The following TRIM40 variants were observed in gnomAD, a reference collection of about 807,000 sequenced individuals.
TRIM40 encodes the protein tripartite motif containing 40.
Under a neutral mutation model 26.1 loss-of-function variants are expected in TRIM40, and 27 were observed. The observed-to-expected ratio is 1.04, with a 90% CI of 0.76 to 1.43. The LOEUF (loss-of-function observed/expected upper bound fraction) is 1.43. TRIM40 is among the 40% of genes most tolerant of loss of function. The pLI, the probability that TRIM40 is intolerant of heterozygous loss-of-function variation, is 0.00. For synonymous variants in TRIM40, 114 were observed against 120.0 expected, an observed-to-expected ratio of 0.95 and a Z score of 0.33; for missense variants, 289 against 307.9, an observed-to-expected ratio of 0.94 and a Z score of 0.46.
intron 2 of TRIM40, among the ~76,000 whole-genome samples, chr6:30,141,061 C>T (rs544390026): frequency 2.0e-5 from 3 of 152,172 alleles, no homozygotes; most frequent in East Asian, 1.9e-4. Flanking sequence ...GTGGGAGGAT[C>T]GCTTGAGCCC....
chr6:30,140,125 G>T (rs1216293069), intron 2 of TRIM40, among the ~76,000 whole-genome samples: 1 of 152,218 alleles, frequency 6.6e-6, no homozygotes, highest in East Asian at 1.9e-4. Context: ...GTTGGTGGGA[G>T]TGTAAATTAG....
rs947938290 is a variant in TRIM40 at position 30,136,776 on chromosome 6, G to A, written c.-261G>A. ...CAAGTTTAACAAACACAAGGAAACC[G>A]CAGGGTCCATGTCAAAGCTGATGAG... On this transcript the variant is annotated 5_prime_UTR_variant, in exon 2 of 6. Coordinates refer to ENST00000396581, the MANE Select transcript of TRIM40 (RefSeq NM_001286633.2). The A allele has an allele frequency of 5.4e-5, 27 of 498,132 alleles. No individual in the cohort carries two copies. In the South Asian group the frequency reaches 7.9e-4, roughly 15 times the overall value. 30.9% of individuals were successfully genotyped at this position (498,132 alleles called of 1,614,324 possible).
In TRIM40 at chr6:30,147,874, C is replaced by T; in HGVS notation, c.*62C>T. The T allele has an allele frequency of 1.4e-6, 2 of 1,452,426 alleles. No individual in the cohort carries two copies. The highest frequency in any genetic ancestry group is 1.9e-6 in the Non-Finnish European group (2 of 1,033,674). The allele number at this position is 1,452,426 out of a possible 1,614,324, so 90.0% of individuals were successfully genotyped here. On this transcript the variant is annotated 3_prime_UTR_variant, in exon 6 of 6. Transcript: ENST00000396581. ...CTCAGCCTCCTCTCTCTCCTTCCTC[C>T]AACCTGTCCAGGCCCCCACTGGGTC...
intron 2 of TRIM40, among the ~76,000 whole-genome samples, chr6:30,143,596 T>C (rs1460496221): frequency 6.6e-6 from 1 of 152,146 alleles, no homozygotes; most frequent in East Asian, 1.9e-4. Flanking sequence ...AATTTTAAAA[T>C]ATTCATTTAG....
At position 30,137,211 on chromosome 6, in the gene TRIM40, C is replaced by A; in HGVS notation, c.175C>A (p.Pro59Thr). 6.2e-7 allele frequency: 1 copy of A among 1,613,062 alleles called. No homozygotes were observed. The highest frequency in any genetic ancestry group is 8.5e-7 in the Non-Finnish European group (1 of 1,180,032). Residue 59 changes from proline to threonine, a missense_variant, in exon 2 of 6, where the codon CCC (proline) becomes ACC (threonine). Physicochemically the swap from Pro to Thr is conservative, Grantham distance 38 (BLOSUM62 -1). Transcript: ENST00000396581. ...CTTCTGCTGCCCCCTCTGCCGGAAG[C>A]CCTGTTCTGAGGAGGTGCTAGGGAC... ...GVFCCPLCRK[P>T]CSEEVLGTGY...
In TRIM40 at chr6:30,141,034, C is replaced by A. The variant is rs1181197835; in HGVS notation, c.345+3653C>A. ...CGGTGGCTCACACCTGTAGTCCCAG[C>A]ACTTTGGGAGGCCAAAGTGGGAGGA... is the stretch of plus-strand genomic sequence containing the variant. On this transcript the variant is annotated intron_variant, in intron 2 of 5. Transcript: ENST00000396581. Among the ~76,000 whole-genome samples, 6 of 152,266 alleles carry A rather than the reference C, an allele frequency of 3.9e-5. No homozygotes were observed. The South Asian group carries it at 1.0e-3, about 26-fold the overall frequency.
intron 2 of TRIM40, among the ~76,000 whole-genome samples, chr6:30,140,656 C>T (rs1437994210): frequency 4.6e-5 from 7 of 152,020 alleles, no homozygotes; most frequent in Admixed American, 6.6e-5. Flanking sequence ...CACCATGGCA[C>T]GTGTATACCT....
At chr6:30,139,469 A>T (rs1291661068) in intron 2 of TRIM40, among the ~76,000 whole-genome samples, 1 of 150,418 alleles carries the variant, frequency 6.6e-6, no homozygotes. Context: ...CAGCCTCCCG[A>T]GTAGCTGGGA....
In TRIM40 at chr6:30,148,009, C is replaced by G; in HGVS notation, c.*197C>G. 1.7e-6 allele frequency: 1 copy of G among 603,172 alleles called. No homozygotes were observed. The highest frequency in any genetic ancestry group is 2.9e-6 in the Non-Finnish European group (1 of 339,782). 37.4% of individuals were successfully genotyped at this position (603,172 alleles called of 1,614,324 possible). ...CTGACTCTTGGACGATAGCCAGCCT[C>G]CTTCCAGGACAGGCTCATGCTTGGG... On this transcript the variant is annotated 3_prime_UTR_variant, in exon 6 of 6. Transcript: ENST00000396581.
intron 4 of TRIM40, 36 bp from the exon 5 acceptor site, chr6:30,147,484 G>A (rs1197305875): frequency 2.5e-6 from 4 of 1,613,680 alleles, no homozygotes; most frequent in Non-Finnish European, 3.4e-6. Context: ...AGGAACCTGA[G>A]AACCAATTAT....
chr6:30,139,330 C>CT (rs71550185), intron 2 of TRIM40, among the ~76,000 whole-genome samples: 3,049 of 99,054 alleles, frequency 0.031, 51 homozygotes, highest in Middle Eastern at 0.078. Flanking sequence ...AGAACTGTAA[C>CT]TTTTTTTTCT....
At position 30,137,043 on chromosome 6, in the gene TRIM40, C is replaced by T; in HGVS notation, c.7C>T (p.Pro3Ser). ...ACAGGGTAGGAACGAGGCCATGATC[C>T]CTTTGCAGAAGGACAACCAGGAGGA... MI[P>S]LQKDNQEEGV... The change falls in exon 2 of 6, where the codon CCT (proline) becomes TCT (serine). Residue 3 changes from proline (P) to serine (S), a missense_variant. Transcript: ENST00000396581. 6.2e-7 allele frequency: 1 copy of T among 1,612,500 alleles called. No homozygotes were observed. Among genetic ancestry groups the T allele is most frequent in the South Asian group, 1.1e-5 (1 of 91,028 alleles).
In TRIM40 at chr6:30,137,041, T is replaced by G; in HGVS notation, c.5T>G (p.Ile2Ser). 6.2e-7 allele frequency: 1 copy of G among 1,612,458 alleles called. No homozygotes were observed. Among genetic ancestry groups the G allele is most frequent in the Non-Finnish European group, 8.5e-7 (1 of 1,179,708 alleles). ...TGACAGGGTAGGAACGAGGCCATGA[T>G]CCCTTTGCAGAAGGACAACCAGGAG... M[I>S]PLQKDNQEEG... Residue 2 changes from isoleucine to serine, a missense_variant, in exon 2 of 6, where the codon ATC becomes AGC. Ile to Ser is a moderately radical substitution (Grantham distance 142). Coordinates refer to ENST00000396581, the MANE Select transcript of TRIM40 (RefSeq NM_001286633.2).
intron 3 of TRIM40, 31 bp downstream of exon 3, chr6:30,146,120 C>T (rs1225956190): frequency 2.6e-6 from 4 of 1,560,196 alleles, no homozygotes; most frequent in Non-Finnish European, 2.6e-6. Flanking sequence ...GGAAGGACTC[C>T]CTGGAGTGTT....
At chr6:30,139,339 C>CTTT (rs9278591) in intron 2 of TRIM40, among the ~76,000 whole-genome samples, 44 of 77,862 alleles carry the variant, frequency 5.7e-4, no homozygotes, top group East Asian at 2.0e-3. Context: ...ACTTTTTTTT[C>CTTT]TTTTTTTTTT....
At chr6:30,138,223 T>C (rs1369401963) in intron 2 of TRIM40, among the ~76,000 whole-genome samples, 1 of 152,234 alleles carries the variant, frequency 6.6e-6, no homozygotes, top group Non-Finnish European at 1.5e-5. Context: ...TTAAATTCTA[T>C]GAATGTACCA....
chr6:30,146,850 C>T (rs1458672832), intron 3 of TRIM40, 135 bp from the exon 4 acceptor site: 1 of 831,018 alleles, frequency 1.2e-6, no homozygotes, highest in Non-Finnish European at 1.9e-6. Context: ...TTCTGCTATA[C>T]CTGTGACACA....
Position 30,136,871 on chromosome 6 carries a change from G to A in TRIM40, c.-166G>A. ...TCACGGCACCCTTGAGGGAGAGTGG[G>A]CAATTGCCTGAACTTGGAGGCTGTG... On this transcript the variant is annotated 5_prime_UTR_variant, in exon 2 of 6. Coordinates refer to ENST00000396581, the MANE Select transcript of TRIM40 (RefSeq NM_001286633.2). 1.6e-6 allele frequency: 1 copy of A among 636,198 alleles called. No homozygotes were observed. The highest frequency in any genetic ancestry group is 2.7e-6 in the Non-Finnish European group (1 of 370,114). 39.4% of individuals were successfully genotyped at this position (636,198 alleles called of 1,614,324 possible).
At chr6:30,139,046 T>C (rs1771178672) in intron 2 of TRIM40, among the ~76,000 whole-genome samples, 1 of 152,224 alleles carries the variant, frequency 6.6e-6, no homozygotes, top group African/African-American at 2.4e-5. Flanking sequence ...CACTAAATGA[T>C]TTTTTCAGGT....
Sources: gnomAD v4.1 joint callset for allele counts (sites outside exome capture counted in the v4.1 genomes callset) on GRCh38, gnomAD v4.1.1 for gene constraint, MANE v1.5 for transcripts, NCBI Gene and HGNC (gene_info 2026-07-23, HGNC 2026-07-21) for gene names.